The following HDAC9 variants were observed in gnomAD, a reference collection of about 807,000 sequenced individuals.
HDAC9 encodes the protein MEF-2 interacting transcription repressor (MITR) protein.
HDAC9 carries 41 observed loss-of-function variants against 139.4 expected under a neutral mutation model. That is an observed-to-expected ratio of 0.29 (90% CI 0.23 to 0.38). The LOEUF is 0.38. Ranked by LOEUF, HDAC9 falls within the 10% of genes least tolerant of loss-of-function variation. HDAC9 has a pLI of 1.00. For synonymous variants in HDAC9, 517 were observed against 476.2 expected (o/e 1.09, Z -1.12); for missense variants, 1,147 against 1,297.0 (o/e 0.88, Z 1.78).
At chr7:18,674,529 G>T (rs1364874794) in intron 12 of HDAC9, among the ~76,000 whole-genome samples, 2 of 151,852 alleles carry the variant, frequency 1.3e-5, no homozygotes, top group African/African-American at 4.8e-5. Context: ...GTGGCATTAT[G>T]TCTTTTTGGT....
rs189469772 is a variant in HDAC9, at chr7:18,835,455, A to G, written c.2467-12A>G. The G allele has an allele frequency of 5.0e-6, 8 of 1,606,912 alleles. No individual in the cohort carries two copies. In the East Asian group the frequency reaches 1.6e-4, roughly 31 times the overall value. On this transcript the variant is annotated splice_polypyrimidine_tract_variant and intron_variant, in intron 19 of 25. Coordinates refer to ENST00000686413, the MANE Select transcript of HDAC9 (RefSeq NM_178425.4). ...ATGACTGTATTTGTCGTCTGTTTTC[A>G]TTTCCCTGTAGGATGTTCACCATGG... is the stretch of plus-strand genomic sequence containing the variant.
chr7:18,907,600 C>A (rs1190813109), intron 22 of HDAC9, among the ~76,000 whole-genome samples: 1 of 152,174 alleles, frequency 6.6e-6, no homozygotes, highest in Non-Finnish European at 1.5e-5. Context: ...CTGGGAAGGG[C>A]CACAGGGCTT....
chr7:18,686,423 G>A (rs1782275488), intron 12 of HDAC9, among the ~76,000 whole-genome samples: 1 of 151,864 alleles, frequency 6.6e-6, no homozygotes. Context: ...CTAAACACAT[G>A]TCTTAGCATT....
chr7:18,927,764 C>T (rs1209344237), intron 22 of HDAC9, among the ~76,000 whole-genome samples: 1 of 152,130 alleles, frequency 6.6e-6, no homozygotes, highest in Middle Eastern at 3.2e-3. Context: ...TACAAATCAT[C>T]ATGAGATAGG....
chr7:18,718,773 T>C (rs985949190), intron 12 of HDAC9, among the ~76,000 whole-genome samples: 3 of 152,204 alleles, frequency 2.0e-5, no homozygotes, highest in Non-Finnish European at 4.4e-5. Context: ...TTTTCATTTT[T>C]CTTAGGTGTA....
intron 23 of HDAC9, among the ~76,000 whole-genome samples, chr7:18,944,753 G>T (rs1782257254): frequency 1.3e-5 from 2 of 151,978 alleles, no homozygotes; most frequent in Non-Finnish European, 2.9e-5. Context: ...ATTTTCTGAT[G>T]TCTAAGACTA....
At position 18,561,577 on chromosome 7, in the gene HDAC9, A is replaced by G. The variant is rs533074633; in HGVS notation, c.23-23704A>G. Among the ~76,000 whole-genome samples the G allele has an allele frequency of 2.0e-5, 3 of 152,292 alleles. No individual in the cohort carries two copies. In the East Asian group the frequency reaches 5.8e-4, roughly 29 times the overall value. ...ACCCTTTAAAAGAAACCCCAGACCC[A>G]TTAGCATCAATTCCCATTCTCTTTT... On this transcript the variant is annotated intron_variant, in intron 2 of 25. Coordinates refer to ENST00000686413, the MANE Select transcript of HDAC9 (RefSeq NM_178425.4).
intron 21 of HDAC9, among the ~76,000 whole-genome samples, chr7:18,866,700 T>C (rs1242763373): frequency 6.6e-6 from 1 of 152,210 alleles, no homozygotes; most frequent in Non-Finnish European, 1.5e-5. Context: ...GTTGTGAAAT[T>C]TGCTTTATAA....
At chr7:18,276,784 G>C (rs2128217736) in intron 2 of HDAC9, among the ~76,000 whole-genome samples, 1 of 152,110 alleles carries the variant, frequency 6.6e-6, no homozygotes, top group African/African-American at 2.4e-5. Flanking sequence ...TAGAAATAAA[G>C]CTTATTCATT....
At chr7:18,172,761 T>C (rs947797919) in intron 2 of HDAC9, among the ~76,000 whole-genome samples, 1 of 152,220 alleles carries the variant, frequency 6.6e-6, no homozygotes, top group East Asian at 1.9e-4. Flanking sequence ...TTGTGCAGTT[T>C]TGAGTGAGTT....
intron 24 of HDAC9, among the ~76,000 whole-genome samples, chr7:18,964,578 T>C (rs1466846343): frequency 6.6e-6 from 1 of 152,198 alleles, no homozygotes; most frequent in East Asian, 1.9e-4. Flanking sequence ...TTTAAACAAC[T>C]GCCCAACACT....
In HDAC9 at chr7:18,639,455, TTTTTTTGTTTTTTG is replaced by T. The variant is rs930405423; in HGVS notation, c.912+4728_912+4741del. On this transcript the variant is annotated intron_variant, in intron 8 of 25. Coordinates refer to ENST00000686413, the MANE Select transcript of HDAC9 (RefSeq NM_178425.4). ...AGGAAACTCTGTCAAATGATCTTTC[TTTTTTTGTTTTTTG>T]TTTTTTGTTTTTTGGTCTCACAATA... Among the ~76,000 whole-genome samples the T allele has an allele frequency of 5.3e-5, 8 of 152,178 alleles. No homozygotes were observed. In the South Asian group the frequency reaches 1.2e-3, roughly 24 times the overall value.
At chr7:18,115,143 A>G (rs1001940493) in intron 1 of HDAC9, among the ~76,000 whole-genome samples, 1 of 152,152 alleles carries the variant, frequency 6.6e-6, no homozygotes, top group Non-Finnish European at 1.5e-5. Context: ...TGCAAAAAAA[A>G]TTAGCTGGGC....
intron 1 of HDAC9, among the ~76,000 whole-genome samples, chr7:18,128,650 A>C (rs906309744): frequency 6.6e-6 from 1 of 152,112 alleles, no homozygotes; most frequent in African/African-American, 2.4e-5. Flanking sequence ...CTCTGCAGTC[A>C]GCCATGCACT....
chr7:18,990,531 G>A (rs921878228), intron 25 of HDAC9, among the ~76,000 whole-genome samples: 3 of 152,264 alleles, frequency 2.0e-5, no homozygotes, highest in African/African-American at 7.2e-5. Context: ...CAGAGGTGGA[G>A]CCTATAGAGG....
At chr7:18,249,321 G>A (rs1196782960) in intron 2 of HDAC9, among the ~76,000 whole-genome samples, 1 of 151,578 alleles carries the variant, frequency 6.6e-6, no homozygotes, top group Non-Finnish European at 1.5e-5. Context: ...TGGCCAACAT[G>A]GTGAAACCCT....
intron 14 of HDAC9, among the ~76,000 whole-genome samples, chr7:18,756,877 CTT>C (rs562272949): frequency 1.4e-5 from 2 of 144,606 alleles, no homozygotes; most frequent in Admixed American, 7.0e-5. Context: ...ACTCCCCAAC[CTT>C]TTTTTTTTTT....
At chr7:18,925,930 A>G (rs1000465553) in intron 22 of HDAC9, among the ~76,000 whole-genome samples, 1 of 103,934 alleles carries the variant, frequency 9.6e-6, no homozygotes, top group East Asian at 4.9e-4. Context: ...TCCTCAAAAA[A>G]TTGCTCTCTG....
chr7:18,906,673 A>G (rs1324358075), intron 22 of HDAC9, among the ~76,000 whole-genome samples: 1 of 152,194 alleles, frequency 6.6e-6, no homozygotes, highest in African/African-American at 2.4e-5. Flanking sequence ...CAGAAAATAT[A>G]CAGCAGTGAC....
Sources: allele counts gnomAD v4.1 joint callset (sites outside exome capture counted in the v4.1 genomes callset), GRCh38; gene constraint gnomAD v4.1.1; transcripts MANE v1.5; gene names NCBI Gene and HGNC (gene_info 2026-07-23, HGNC 2026-07-21).